STAC: variants seen among roughly 807,000 people sequenced by gnomAD.
STAC encodes SH3 and cysteine rich domain.
STAC carries 43 observed loss-of-function variants against 48.8 expected under a neutral mutation model. That is an observed-to-expected ratio of 0.88 (90% CI 0.69 to 1.14). STAC has a LOEUF of 1.14. Among genes scored for constraint, STAC ranks in the 50% most tolerant of loss-of-function variants. The probability of loss-of-function intolerance (pLI) is 0.00; values close to 1 mark genes in which losing one functional copy is unlikely to be tolerated. For synonymous variants in STAC, 193 were observed against 179.5 expected, an observed-to-expected ratio of 1.07 and a Z score of -0.60; for missense variants, 497 against 504.0, an observed-to-expected ratio of 0.99 and a Z score of 0.13.
chr3:36,487,708 A>G (rs1697852470), intron 5 of STAC, among the ~76,000 whole-genome samples: 1 of 152,254 alleles, frequency 6.6e-6, no homozygotes, highest in South Asian at 2.1e-4. Flanking sequence ...TTGAGAACGT[A>G]ACATACACGT....
At chr3:36,495,399 A>G (rs1698121748) in intron 6 of STAC, among the ~76,000 whole-genome samples, 1 of 152,214 alleles carries the variant, frequency 6.6e-6, no homozygotes, top group Non-Finnish European at 1.5e-5. Flanking sequence ...CCAGCCACAC[A>G]TTCAGACTGG....
chr3:36,486,004 T>C (rs1398103160), intron 4 of STAC, 130 bp from the exon 5 acceptor site: 4 of 666,050 alleles, frequency 6.0e-6, no homozygotes, highest in Non-Finnish European at 1.0e-5. Flanking sequence ...GAAAGCCCTG[T>C]CTACCCAGAG....
At chr3:36,455,269 T>A (rs1202147773) in intron 2 of STAC, among the ~76,000 whole-genome samples, 1 of 152,188 alleles carries the variant, frequency 6.6e-6, no homozygotes, top group East Asian at 1.9e-4. Flanking sequence ...ATTGCCCAGG[T>A]CAGAAGGACA....
chr3:36,454,542 T>C (rs1281527355), intron 2 of STAC, among the ~76,000 whole-genome samples: 1 of 152,016 alleles, frequency 6.6e-6, no homozygotes, highest in Non-Finnish European at 1.5e-5. Flanking sequence ...ACCCACCAAT[T>C]CCAGACACAC....
At chr3:36,414,436 C>A (rs529405941) in intron 1 of STAC, among the ~76,000 whole-genome samples, 19 of 152,310 alleles carry the variant, frequency 1.2e-4, no homozygotes, top group Middle Eastern at 6.8e-3. Flanking sequence ...GATCTTCCAT[C>A]ACTGATACCC....
chr3:36,518,215 A>G (rs895952754), intron 8 of STAC, among the ~76,000 whole-genome samples: 1 of 152,246 alleles, frequency 6.6e-6, no homozygotes, highest in African/African-American at 2.4e-5. Flanking sequence ...TCAAGTAAAC[A>G]TAAACTCCTA....
chr3:36,523,469 T>C (rs1472882833), intron 8 of STAC, among the ~76,000 whole-genome samples: 2 of 152,230 alleles, frequency 1.3e-5, no homozygotes, highest in Non-Finnish European at 2.9e-5. Flanking sequence ...AATGCTCTGA[T>C]TGAACTAAGC....
intron 1 of STAC, among the ~76,000 whole-genome samples, chr3:36,429,536 T>C (rs1280740953): frequency 1.3e-5 from 2 of 152,174 alleles, no homozygotes; most frequent in Non-Finnish European, 1.5e-5. Context: ...GGCTGACATA[T>C]GTAGCATGGA....
chr3:36,398,659 AGGAAG>A lies in STAC; in HGVS notation c.111+17907_111+17911del, dbSNP rs1559477552. On this transcript the variant is annotated intron_variant, in intron 1 of 10. Transcript: ENST00000273183. ...GAAAGAAAGAAAGAAAGAGAAAGAA[AGGAAG>A]GAAGGAAGGAAAGAAAGAAAGAAAG... 9.1e-5 allele frequency among the ~76,000 whole-genome samples: 13 copies of A among 142,632 alleles called. 1 individual carries two copies. Among genetic ancestry groups the A allele is most frequent in the South Asian group, 2.2e-4 (1 of 4,506 alleles). The allele number at this position is 142,632 out of a possible 152,430, so 93.6% of individuals were successfully genotyped here.
At chr3:36,431,125 C>G (rs887145568) in intron 1 of STAC, among the ~76,000 whole-genome samples, 5 of 152,216 alleles carry the variant, frequency 3.3e-5, no homozygotes, top group Non-Finnish European at 7.3e-5. Context: ...TCTAGAACTA[C>G]TTGATGTATC....
At chr3:36,445,315 T>C (rs1177632801) in intron 2 of STAC, among the ~76,000 whole-genome samples, 2 of 152,152 alleles carry the variant, frequency 1.3e-5, no homozygotes, top group Non-Finnish European at 2.9e-5. Context: ...GAAATAAATT[T>C]ACATTGCAGC....
At chr3:36,392,793 C>G (rs573426642) in intron 1 of STAC, among the ~76,000 whole-genome samples, 1 of 152,208 alleles carries the variant, frequency 6.6e-6, no homozygotes, top group African/African-American at 2.4e-5. Context: ...AAAATCCATG[C>G]TCTCAGATTC....
intron 1 of STAC, among the ~76,000 whole-genome samples, chr3:36,427,319 G>A (rs928472257): frequency 3.9e-5 from 6 of 152,138 alleles, no homozygotes; most frequent in African/African-American, 1.4e-4. Context: ...ATTCTTGTAT[G>A]TGAAATCTTT....
intron 6 of STAC, among the ~76,000 whole-genome samples, chr3:36,494,648 C>G (rs553654529): frequency 1.3e-5 from 2 of 152,328 alleles, no homozygotes; most frequent in Admixed American, 6.5e-5. Context: ...ACCATGCCCC[C>G]CCTTGCCAGA....
intron 8 of STAC, among the ~76,000 whole-genome samples, chr3:36,525,078 C>G (rs1282570813): frequency 6.6e-6 from 1 of 151,952 alleles, no homozygotes; most frequent in East Asian, 1.9e-4. Context: ...GTTTTTTTAT[C>G]TATTTACTTG....
At chr3:36,479,268 T>C (rs2125697074) in intron 2 of STAC, among the ~76,000 whole-genome samples, 1 of 152,326 alleles carries the variant, frequency 6.6e-6, no homozygotes, top group African/African-American at 2.4e-5. Flanking sequence ...ATCTTTTTTT[T>C]TCTCAGAAAA....
At chr3:36,486,684 G>T (rs955850284) in intron 5 of STAC, among the ~76,000 whole-genome samples, 12 of 152,120 alleles carry the variant, frequency 7.9e-5, no homozygotes, top group African/African-American at 2.9e-4. Context: ...TTCTCTCTAA[G>T]AGAGGGCACA....
At chr3:36,521,712 AAT>A (rs1246762915) in intron 8 of STAC, among the ~76,000 whole-genome samples, 1 of 152,210 alleles carries the variant, frequency 6.6e-6, no homozygotes, top group African/African-American at 2.4e-5. Flanking sequence ...GATTAGAATA[AAT>A]CTTCTAATTT....
intron 8 of STAC, among the ~76,000 whole-genome samples, chr3:36,522,689 T>C (rs1314067838): frequency 6.6e-6 from 1 of 152,224 alleles, no homozygotes; most frequent in African/African-American, 2.4e-5. Flanking sequence ...GCTTTTACCA[T>C]GTGCTTCCCA....
Sources: allele counts gnomAD v4.1 joint callset (sites outside exome capture counted in the v4.1 genomes callset), GRCh38; gene constraint gnomAD v4.1.1; transcripts MANE v1.5; gene names NCBI Gene and HGNC (gene_info 2026-07-23, HGNC 2026-07-21).